AK3: variants seen among roughly 807,000 people sequenced by gnomAD.
The protein encoded by AK3 is GTP:AMP phosphotransferase AK3, mitochondrial.
In AK3, 27 loss-of-function variants were observed where a neutral mutation model predicts 23.7. The observed-to-expected ratio is 1.14, with a 90% CI of 0.84 to 1.57. The LOEUF is 1.57. Among genes scored for constraint, AK3 ranks in the 40% most tolerant of loss-of-function variants. AK3 has a pLI of 0.00. For missense variants in AK3, 406 were observed against 285.6 expected, an observed-to-expected ratio of 1.42 and a Z score of -3.04; for synonymous variants, 159 against 116.0, an observed-to-expected ratio of 1.37 and a Z score of -2.38.
Position 4,740,995 on chromosome 9 carries a change from G to A in AK3, c.93C>T (p.Phe31=), listed in dbSNP as rs1449606690. 1.9e-6 allele frequency: 3 copies of A among 1,594,670 alleles called. No individual in the cohort carries two copies. The highest frequency in any genetic ancestry group is 1.1e-5 in the South Asian group (1 of 88,226). Residue 31 remains phenylalanine (F), a synonymous_variant, in exon 1 of 5, where the codon TTC becomes TTT. Coordinates refer to ENST00000381809, the MANE Select transcript of AK3 (RefSeq NM_016282.4). ...GTVSSRITTH[F]ELKHLSSGDL... Reference sequence around the variant, plus strand: ...CCCCGCTGGAGAGGTGCTTCAGCTCGAAGTGTGTAGTGATGCGCGACGACA... The same window carrying A: ...CCCCGCTGGAGAGGTGCTTCAGCTCAAAGTGTGTAGTGATGCGCGACGACA...
chr9:4,718,923 G>A (rs765919128), intron 3 of AK3, among the ~76,000 whole-genome samples: 6 of 152,172 alleles, frequency 3.9e-5, no homozygotes, highest in Admixed American at 6.5e-5. Flanking sequence ...ATCAACAAAT[G>A]TTTTTGAATG....
chr9:4,717,630 A>C (rs536347341), intron 4 of AK3, among the ~76,000 whole-genome samples: 2 of 152,336 alleles, frequency 1.3e-5, no homozygotes, highest in South Asian at 4.1e-4. Flanking sequence ...AGCAACATGC[A>C]TTCAATAGAA....
Position 4,724,279 on chromosome 9 carries a change from C to A in AK3, c.152-1654G>T, listed in dbSNP as rs117039046. On this transcript the variant is annotated intron_variant, in intron 1 of 4. Transcript: ENST00000381809. ...ATTTGGAAAAAAAAATGTAAAAACACGCAATTCTCTAGGGCCAAGTCCCAA... is the reference window on the plus strand; with the variant it reads ...ATTTGGAAAAAAAAATGTAAAAACAAGCAATTCTCTAGGGCCAAGTCCCAA... Among the ~76,000 whole-genome samples, 3 of 152,060 alleles carry A rather than the reference C, an allele frequency of 2.0e-5. 1 individual carries two copies. The highest frequency in any genetic ancestry group is 4.1e-4 in the South Asian group (2 of 4,826).
At chr9:4,741,407 T>G (rs1842432932), upstream of AK3, 2 of 252,594 alleles carry the variant, frequency 7.9e-6, no homozygotes, top group East Asian at 1.5e-4. Flanking sequence ...CCTGCGCCTC[T>G]CCGCGGCCCC....
At chr9:4,728,832 C>G (rs1424670878) in intron 1 of AK3, among the ~76,000 whole-genome samples, 1 of 86,860 alleles carries the variant, frequency 1.2e-5, no homozygotes, top group East Asian at 5.0e-4. Context: ...CATGTCTCTA[C>G]ATATATATAT....
rs1342800063 is a variant in AK3, at chr9:4,710,179, TATAAA to T, written c.*2792_*2796del. 2 of 152,122 alleles carry T rather than the reference TATAAA, an allele frequency of 1.3e-5. No individual in the cohort carries two copies. Among genetic ancestry groups the T allele is most frequent in the Admixed American group, 6.5e-5 (1 of 15,272 alleles). 9.4% of individuals were successfully genotyped at this position (152,122 alleles called of 1,614,324 possible). ...AGGTATAGCAAAATAACTTTTACTC[TATAAA>T]ATAAATCAGTTGAGGTGCTGTTCTC... On this transcript the variant is annotated 3_prime_UTR_variant, in exon 5 of 5. Transcript: ENST00000381809.
chr9:4,737,334 A>C (rs10124593), intron 1 of AK3, among the ~76,000 whole-genome samples: 2,249 of 152,278 alleles, frequency 0.015, 60 homozygotes, highest in African/African-American at 0.051. Flanking sequence ...CATGAATCTC[A>C]ATGTGGGAAA....
rs576309850 is a variant in AK3, at chr9:4,711,743, C to G, written c.*1233G>C. 7.9e-5 allele frequency: 12 copies of G among 152,322 alleles called. No homozygotes were observed. In the East Asian group the frequency reaches 2.1e-3, roughly 27 times the overall value. 9.4% of individuals were successfully genotyped at this position (152,322 alleles called of 1,614,324 possible). A position where few individuals can be genotyped will look rare whatever the true frequency, so the allele number is the denominator to read the frequency against. The stretch of plus-strand genomic sequence containing the variant: ...ACCAGACCACACAGTACATCAGCAA[C>G]CATCCTTTAGATTCCAATTTTTAAA... On this transcript the variant is annotated 3_prime_UTR_variant, in exon 5 of 5. Coordinates refer to ENST00000381809, the MANE Select transcript of AK3 (RefSeq NM_016282.4).
rs563499214 is a variant in AK3, at chr9:4,722,366, T to C, written c.271+140A>G. On this transcript the variant is annotated intron_variant, in intron 2 of 4. Coordinates refer to ENST00000381809, the MANE Select transcript of AK3 (RefSeq NM_016282.4). ...GATATAGAACTGGTCCCAGAGAAGATGACTGGTTTCAGGATAGTCCCAAGC... is the reference window on the plus strand; with the variant it reads ...GATATAGAACTGGTCCCAGAGAAGACGACTGGTTTCAGGATAGTCCCAAGC... 3.8e-5 allele frequency: 45 copies of C among 1,183,076 alleles called. No homozygotes were observed. In the African/African-American group the frequency reaches 6.6e-4, roughly 17 times the overall value. 73.3% of individuals were successfully genotyped at this position (1,183,076 alleles called of 1,614,324 possible). A position where few individuals can be genotyped will look rare whatever the true frequency, so the allele number is the denominator to read the frequency against.
chr9:4,717,538 A>C (rs1251816380), intron 4 of AK3, among the ~76,000 whole-genome samples: 1 of 152,194 alleles, frequency 6.6e-6, no homozygotes, highest in East Asian at 1.9e-4. Flanking sequence ...CCCAGCATTC[A>C]TTCCAGCCCT....
chr9:4,740,761 C>G (rs1842409784), intron 1 of AK3, among the ~76,000 whole-genome samples, 176 bp downstream of exon 1: 1 of 152,226 alleles, frequency 6.6e-6, no homozygotes, highest in African/African-American at 2.4e-5. Flanking sequence ...AAGCGGCCCA[C>G]GGAGGCCGGA....
chr9:4,726,334 T>C (rs1842023227), intron 1 of AK3, among the ~76,000 whole-genome samples: 1 of 152,206 alleles, frequency 6.6e-6, no homozygotes, highest in African/African-American at 2.4e-5. Context: ...TGTGATAGTA[T>C]TTTATCCACA....
At chr9:4,732,962 A>C (rs747086427) in intron 1 of AK3, among the ~76,000 whole-genome samples, 1 of 151,340 alleles carries the variant, frequency 6.6e-6, no homozygotes, top group Non-Finnish European at 1.5e-5. Flanking sequence ...CTCCCAGCTT[A>C]GCTTCCCAAG....
intron 1 of AK3, among the ~76,000 whole-genome samples, chr9:4,736,032 T>C (rs191983454): frequency 6.6e-6 from 1 of 150,868 alleles, no homozygotes; most frequent in Non-Finnish European, 1.5e-5. Flanking sequence ...GGAGAAGCAC[T>C]TGAACGTGGG....
chr9:4,731,451 G>T (rs949804942), intron 1 of AK3, among the ~76,000 whole-genome samples: 1 of 151,606 alleles, frequency 6.6e-6, no homozygotes, highest in Non-Finnish European at 1.5e-5. Flanking sequence ...ACGTAATCTT[G>T]TTCATTTTTA....
Position 4,711,989 on chromosome 9 carries a change from C to A in AK3, c.*987G>T, listed in dbSNP as rs751837236. On this transcript the variant is annotated 3_prime_UTR_variant, in exon 5 of 5. Coordinates refer to ENST00000381809, the MANE Select transcript of AK3 (RefSeq NM_016282.4). The stretch of plus-strand genomic sequence containing the variant: ...GCCAAGGGAGCATTTCCCAGGCATG[C>A]CTCATCTATTTACTAACAACAAAGT... The A allele has an allele frequency of 2.0e-5, 3 of 152,154 alleles. No individual in the cohort carries two copies. Among genetic ancestry groups the A allele is most frequent in the South Asian group, 4.1e-4 (2 of 4,826 alleles). The allele number at this position is 152,154 out of a possible 1,614,324, so 9.4% of individuals were successfully genotyped here.
intron 1 of AK3, among the ~76,000 whole-genome samples, chr9:4,736,732 CT>C (rs1842303000): frequency 6.6e-6 from 1 of 151,924 alleles, no homozygotes; most frequent in African/African-American, 2.4e-5. Context: ...ACTGTGAGTA[CT>C]GTGGTGCTAT....
rs1039053377 is a variant in AK3 at position 4,710,906 on chromosome 9, TA to T, written c.*2069del. The T allele has an allele frequency of 1.3e-5, 2 of 150,888 alleles. No individual in the cohort carries two copies. The highest frequency in any genetic ancestry group is 2.1e-4 in the South Asian group (1 of 4,764). 9.3% of individuals were successfully genotyped at this position (150,888 alleles called of 1,614,324 possible). A position where few individuals can be genotyped will look rare whatever the true frequency, so the allele number is the denominator to read the frequency against. On this transcript the variant is annotated 3_prime_UTR_variant, in exon 5 of 5. Coordinates refer to ENST00000381809, the MANE Select transcript of AK3 (RefSeq NM_016282.4). The stretch of plus-strand genomic sequence containing the variant: ...CTGGGCAACAGAGTGAGGCCCTGTC[TA>T]AAAAAAAATAAAGAAAAAAGTTGTA...
At chr9:4,734,786 G>C (rs940643823) in intron 1 of AK3, among the ~76,000 whole-genome samples, 1 of 152,068 alleles carries the variant, frequency 6.6e-6, no homozygotes, top group Non-Finnish European at 1.5e-5. Context: ...AATAAAACAT[G>C]GCCCATCCAT....
Sources: allele counts gnomAD v4.1 joint callset (sites outside exome capture counted in the v4.1 genomes callset), GRCh38; gene constraint gnomAD v4.1.1; transcripts MANE v1.5; gene names NCBI Gene and HGNC (gene_info 2026-07-23, HGNC 2026-07-21).